Variants in PCBP2 observed in about 807,000 individuals in gnomAD.
PCBP2 encodes the protein poly(rC)-binding protein 2.
PCBP2 carries 4 observed loss-of-function variants against 50.1 expected under a neutral mutation model. The ratio of observed to expected loss-of-function variants is 0.08; its 90% CI spans 0.04 to 0.18. The LOEUF (loss-of-function observed/expected upper bound fraction) is 0.18, where lower values mean the gene tolerates loss of function less well. Among genes scored for constraint, PCBP2 ranks in the 10% least tolerant of loss-of-function variants. The pLI, the probability that PCBP2 is intolerant of heterozygous loss-of-function variation, is 1.00. For missense variants in PCBP2, 161 were observed against 474.3 expected (o/e 0.34, Z 6.14); for synonymous variants, 179 against 168.0 (o/e 1.07, Z -0.51).
chr12:53,460,015 T>G (rs1941337342), intron 6 of PCBP2: 1 of 315,928 alleles, frequency 3.2e-6, no homozygotes, highest in Non-Finnish European at 6.7e-6. Context: ...CACCTCAGGC[T>G]CCCAGTGTTA....
chr12:53,454,742 C>G lies in PCBP2; in HGVS notation c.-59C>G. The G allele has an allele frequency of 4.1e-6, 6 of 1,463,052 alleles. No homozygotes were observed. The South Asian group carries it at 5.7e-5, about 14-fold the overall frequency. The allele number at this position is 1,463,052 out of a possible 1,614,324, so 90.6% of individuals were successfully genotyped here. A position where few individuals can be genotyped will look rare whatever the true frequency, so the allele number is the denominator to read the frequency against. The stretch of plus-strand genomic sequence containing the variant: ...GCATTTTAGTTTTTGGCTTTCACCC[C>G]CAACCAGTGACCAAAGACTTGACCA... On this transcript the variant is annotated 5_prime_UTR_variant, in exon 2 of 15. Transcript: ENST00000546463.
chr12:53,455,867 A>C lies in PCBP2; in HGVS notation c.127-18A>C. On this transcript the variant is annotated intron_variant, in intron 4 of 14. Coordinates refer to ENST00000546463, the MANE Select transcript of PCBP2 (RefSeq NM_031989.5). ...TCTTCTTTGTTTTAACTTCTTTTGG[A>C]TCTTGTTTCCTATCTAGAGTGGTGC... 1 of 1,512,830 alleles carries C rather than the reference A, an allele frequency of 6.6e-7. No homozygotes were observed. The highest frequency in any genetic ancestry group is 2.3e-5 in the East Asian group (1 of 44,352). 93.7% of individuals were successfully genotyped at this position (1,512,830 alleles called of 1,614,324 possible).
rs55730102 is a variant in PCBP2, at chr12:53,479,668, C to CTGGTTTTTTTTTTTTTT, written c.*241_*242insTTTGGTTTTTTTTTTTT. The CTGGTTTTTTTTTTTTTT allele has an allele frequency of 0.69, 93,327 of 136,060 alleles. 29,127 individuals are homozygous for CTGGTTTTTTTTTTTTTT. The highest frequency in any genetic ancestry group is 0.82 in the South Asian group (2,679 of 3,280). 8.4% of individuals were successfully genotyped at this position (136,060 alleles called of 1,614,324 possible). On this transcript the variant is annotated 3_prime_UTR_variant, in exon 15 of 15. Transcript: ENST00000546463. ...CATATTTAGTTTTATAAGCTTCTCCCTGGTTTTTTTTTTTTGGCTCATGAA... is the reference window on the plus strand; with the variant it reads ...CATATTTAGTTTTATAAGCTTCTCCCTGGTTTTTTTTTTTTTTTGGTTTTTTTTTTTTGGCTCATGAA...
At chr12:53,473,854 T>G (rs1396507952) in intron 14 of PCBP2, among the ~76,000 whole-genome samples, 1 of 152,070 alleles carries the variant, frequency 6.6e-6, no homozygotes, top group Non-Finnish European at 1.5e-5. Context: ...TTTTTCATGG[T>G]GGCAGTCTGT....
At chr12:53,458,088 C>T (rs1260082028) in intron 5 of PCBP2, among the ~76,000 whole-genome samples, 2 of 151,320 alleles carry the variant, frequency 1.3e-5, no homozygotes, top group Non-Finnish European at 2.9e-5. Context: ...ACCACCATGC[C>T]TGGCTAATTT....
At chr12:53,460,870 A>T (rs900452456) in intron 6 of PCBP2, 145 bp from the exon 7 acceptor site, 1 of 801,438 alleles carries the variant, frequency 1.2e-6, no homozygotes, top group African/African-American at 1.7e-5. Context: ...ATCTGGAATA[A>T]GGGAAGAGTG....
chr12:53,466,968 G>A (rs796964314), intron 10 of PCBP2, among the ~76,000 whole-genome samples: 3 of 152,260 alleles, frequency 2.0e-5, no homozygotes, highest in African/African-American at 7.2e-5. Flanking sequence ...CGTTGGGCAA[G>A]TGCTGTTGCT....
At chr12:53,455,771 ACTTTG>A (rs1320501268) in intron 4 of PCBP2, 109 bp from the exon 5 acceptor site, 14 of 766,616 alleles carry the variant, frequency 1.8e-5, no homozygotes, top group South Asian at 3.2e-5. Context: ...AATGATGCTG[ACTTTG>A]CTTTGCATCA....
intron 6 of PCBP2, chr12:53,460,405 C>A: frequency 2.6e-6 from 1 of 385,944 alleles, no homozygotes; most frequent in East Asian, 9.4e-5. Flanking sequence ...CTTGGTCTCC[C>A]AAAGTGCTCG....
chr12:53,462,648 ACT>A, intron 8 of PCBP2, 81 bp downstream of exon 8: 1 of 1,109,744 alleles, frequency 9.0e-7, no homozygotes. Flanking sequence ...ACACCAAGCC[ACT>A]CTGCATGCTT....
chr12:53,454,001 AAC>A (rs1940793622), intron 1 of PCBP2, among the ~76,000 whole-genome samples: 1 of 152,234 alleles, frequency 6.6e-6, no homozygotes, highest in Admixed American at 6.5e-5. Context: ...CTGGATGGTA[AAC>A]ACAAAAGCAA....
In PCBP2 at chr12:53,462,473, C is replaced by A; in HGVS notation, c.505-20C>A. On this transcript the variant is annotated intron_variant, in intron 7 of 14. Transcript: ENST00000546463. ...AAACCTTATCTCTTTTTGTTTTTTT[C>A]CCCTCTGACTCTCTCCCAGTCCCCC... is the stretch of plus-strand genomic sequence containing the variant. 1 of 1,588,288 alleles carries A rather than the reference C, an allele frequency of 6.3e-7. No homozygotes were observed. The highest frequency in any genetic ancestry group is 8.6e-7 in the Non-Finnish European group (1 of 1,165,968).
chr12:53,476,829 G>A (rs1942613625), intron 14 of PCBP2, among the ~76,000 whole-genome samples: 1 of 152,120 alleles, frequency 6.6e-6, no homozygotes, highest in Non-Finnish European at 1.5e-5. Context: ...TTATCATGTG[G>A]TCCAGCTCTC....
At chr12:53,466,384 T>C (rs1051530974) in intron 10 of PCBP2, among the ~76,000 whole-genome samples, 1 of 152,182 alleles carries the variant, frequency 6.6e-6, no homozygotes, top group African/African-American at 2.4e-5. Flanking sequence ...CAATCTGAGA[T>C]GACAATTTGA....
In PCBP2 at chr12:53,479,462, T is replaced by C; in HGVS notation, c.*20T>C. ...AGCTAGAACAATGCAGATTCATCCATAATCCCTTTCTGCTGTTCACCACCA... is the reference window on the plus strand; with the variant it reads ...AGCTAGAACAATGCAGATTCATCCACAATCCCTTTCTGCTGTTCACCACCA... On this transcript the variant is annotated 3_prime_UTR_variant, in exon 15 of 15. Coordinates refer to ENST00000546463, the MANE Select transcript of PCBP2 (RefSeq NM_031989.5). 1 of 1,610,568 alleles carries C rather than the reference T, an allele frequency of 6.2e-7. No individual in the cohort carries two copies. The highest frequency in any genetic ancestry group is 2.2e-5 in the East Asian group (1 of 44,874).
At chr12:53,460,314 T>A (rs910394524) in intron 6 of PCBP2, 4 of 321,984 alleles carry the variant, frequency 1.2e-5, no homozygotes, top group Admixed American at 8.3e-5. Flanking sequence ...TAATTTTTCT[T>A]CTTTCTGTTG....
chr12:53,477,665 CAAAAAAAAAAAAAA>C (rs61213286), intron 14 of PCBP2, among the ~76,000 whole-genome samples: 45 of 52,890 alleles, frequency 8.5e-4, no homozygotes, highest in African/African-American at 3.6e-3. Context: ...GACTCTGTCT[CAAAAAAAAAAAAAA>C]AAAAAAAAAA....
In PCBP2 at chr12:53,481,108, CATATATAT is replaced by C; in HGVS notation, c.*1675_*1682del. On this transcript the variant is annotated 3_prime_UTR_variant, in exon 15 of 15. Transcript: ENST00000546463. ...CCATCTTTCTGTTGATTATGTGGCG[CATATATAT>C]ATATATATGTATATATATATAATTT... The C allele has an allele frequency of 1.7e-6, 1 of 580,816 alleles. No homozygotes were observed. The highest frequency in any genetic ancestry group is 2.3e-6 in the Non-Finnish European group (1 of 428,958). The allele number at this position is 580,816 out of a possible 1,614,324, so 36.0% of individuals were successfully genotyped here.
intron 9 of PCBP2, 190 bp downstream of exon 9, chr12:53,465,042 CTTTT>C (rs747714871): frequency 7.7e-6 from 3 of 391,582 alleles, no homozygotes; most frequent in South Asian, 9.6e-5. Context: ...GTAACACCAA[CTTTT>C]TTTTTTTTTT....
Sources: gnomAD v4.1 joint callset for allele counts (sites outside exome capture counted in the v4.1 genomes callset) on GRCh38, gnomAD v4.1.1 for gene constraint, MANE v1.5 for transcripts, NCBI Gene and HGNC (gene_info 2026-07-23, HGNC 2026-07-21) for gene names.